Variants in INTS14 observed in about 807,000 individuals in gnomAD.
INTS14 encodes UPF0464 protein C15orf44.
INTS14 carries 27 observed loss-of-function variants against 56.9 expected under a neutral mutation model. That is an observed-to-expected ratio of 0.47 (90% CI 0.35 to 0.65). The LOEUF is 0.65. Among genes scored for constraint, INTS14 ranks in the 30% least tolerant of loss-of-function variants. The pLI, the probability that INTS14 is intolerant of heterozygous loss-of-function variation, is 0.00. For synonymous variants in INTS14, 207 were observed against 236.2 expected, an observed-to-expected ratio of 0.88 and a Z score of 1.13; for missense variants, 517 against 632.2, an observed-to-expected ratio of 0.82 and a Z score of 1.95.
At chr15:65,600,855 G>C (rs1382759685) in intron 3 of INTS14, among the ~76,000 whole-genome samples, 1 of 152,030 alleles carries the variant, frequency 6.6e-6, no homozygotes, top group Non-Finnish European at 1.5e-5. Flanking sequence ...TTTTTTAAAA[G>C]CTTGCCTCTG....
In INTS14 at chr15:65,598,233, C is replaced by T. The variant is rs193047786; in HGVS notation, c.748+88G>A. 9 of 1,358,748 alleles carry T rather than the reference C, an allele frequency of 6.6e-6. No homozygotes were observed. The African/African-American group carries it at 1.2e-4, about 18-fold the overall frequency. 84.2% of individuals were successfully genotyped at this position (1,358,748 alleles called of 1,614,324 possible). On this transcript the variant is annotated intron_variant, in intron 6 of 11. Coordinates refer to ENST00000313182, the MANE Select transcript of INTS14 (RefSeq NM_001394796.1). ...ACAATATATATTTCTTTTCAACCTT[C>T]CTAGACAGAGAAGAGAGTAAAAGTC...
chr15:65,599,074 G>A (rs1353081419), intron 4 of INTS14, 84 bp from the exon 5 acceptor site: 7 of 841,796 alleles, frequency 8.3e-6, no homozygotes, highest in East Asian at 2.7e-5. Context: ...AAGCCATTAC[G>A]ATAACATAGG....
chr15:65,605,525 A>G (rs35241445), intron 2 of INTS14, among the ~76,000 whole-genome samples: 30,569 of 152,218 alleles, frequency 0.2, 4,115 homozygotes, highest in East Asian at 0.73. Context: ...AGGAACTTTT[A>G]AACACATCAC....
chr15:65,591,790 AT>A, intron 8 of INTS14, 59 bp from the exon 9 acceptor site: 1 of 1,585,094 alleles, frequency 6.3e-7, no homozygotes, highest in Non-Finnish European at 8.6e-7. Flanking sequence ...GTCAAGTTAA[AT>A]AAGTCTAGCC....
chr15:65,600,422 G>T (rs549510966), intron 3 of INTS14, among the ~76,000 whole-genome samples: 1 of 151,952 alleles, frequency 6.6e-6, no homozygotes, highest in South Asian at 2.1e-4. Context: ...AGAGGCCAGG[G>T]GTTCAAGACC....
At position 65,598,877 on chromosome 15, in the gene INTS14, CAT is replaced by C; in HGVS notation, c.598_599del (p.Met200ValfsTer24). The C allele has an allele frequency of 6.2e-7, 1 of 1,612,362 alleles. No homozygotes were observed. Among genetic ancestry groups the C allele is most frequent in the Non-Finnish European group, 8.5e-7 (1 of 1,178,714 alleles). Reference sequence around the variant, plus strand: ...AGCTCTAAGCATATACTCACCCAAACATAGACTGTACATTCTTCAAGCACAGG... The same window carrying C: ...AGCTCTAAGCATATACTCACCCAAACAGACTGTACATTCTTCAAGCACAGG... ...GPLCLKNVQS[M>X]FGKLIDLAYT... On this transcript the variant is annotated frameshift_variant, in exon 5 of 12. Coordinates refer to ENST00000313182, the MANE Select transcript of INTS14 (RefSeq NM_001394796.1). LOFTEE classifies it high-confidence loss of function.
intron 9 of INTS14, among the ~76,000 whole-genome samples, chr15:65,585,861 C>A (rs1395215874): frequency 6.6e-6 from 1 of 152,164 alleles, no homozygotes; most frequent in Non-Finnish European, 1.5e-5. Flanking sequence ...TGATATTGGA[C>A]CAACACTTCC....
At chr15:65,606,055 A>G (rs1458355250) in intron 2 of INTS14, among the ~76,000 whole-genome samples, 1 of 151,860 alleles carries the variant, frequency 6.6e-6, no homozygotes, top group African/African-American at 2.4e-5. Context: ...GGAGATCGAG[A>G]CCATCCTGGC....
rs2072495151 is a variant in INTS14, at chr15:65,579,424, C to G, written c.1541G>C (p.Ser514Thr). Reference sequence around the variant, plus strand: ...AAGTCAGTTTCAAATTCTTTCAGTGCTGCTCCCAGAGAAGTCCGTGTGCAA... The same window carrying G: ...AAGTCAGTTTCAAATTCTTTCAGTGGTGCTCCCAGAGAAGTCCGTGTGCAA... ...TPLHTDFSGS[S>T]TERI The change falls in exon 12 of 12, where the codon AGC becomes ACC. Residue 514 changes from serine (S) to threonine (T), a missense_variant. Ser to Thr is a moderately conservative substitution (Grantham distance 58, BLOSUM62 1). Coordinates refer to ENST00000313182, the MANE Select transcript of INTS14 (RefSeq NM_001394796.1). 6.2e-7 allele frequency: 1 copy of G among 1,611,250 alleles called. No individual in the cohort carries two copies. Among genetic ancestry groups the G allele is most frequent in the Non-Finnish European group, 8.5e-7 (1 of 1,177,698 alleles).
intron 3 of INTS14, among the ~76,000 whole-genome samples, chr15:65,602,551 T>C (rs373187577): frequency 1.3e-5 from 2 of 152,100 alleles, no homozygotes; most frequent in East Asian, 1.9e-4. Flanking sequence ...TCCCAAAGTG[T>C]TGGGATTACA....
chr15:65,610,946 G>C (rs1332032577), intron 1 of INTS14, 152 bp downstream of exon 1: 1 of 1,470,008 alleles, frequency 6.8e-7, no homozygotes, highest in Non-Finnish European at 9.0e-7. Context: ...GCAGCGCCCC[G>C]GAACTGGCGC....
chr15:65,584,385 A>G (rs1244511346), intron 10 of INTS14, among the ~76,000 whole-genome samples: 2 of 152,192 alleles, frequency 1.3e-5, no homozygotes, highest in East Asian at 1.9e-4. Flanking sequence ...ATTTCACACT[A>G]AAATTCAATG....
chr15:65,605,011 G>A (rs2073593218), intron 3 of INTS14, 118 bp downstream of exon 3: 3 of 749,106 alleles, frequency 4.0e-6, no homozygotes, highest in Non-Finnish European at 4.6e-6. Flanking sequence ...GATACCAATA[G>A]TGTAAAATGT....
rs1279328294 is a variant in INTS14 at position 65,593,557 on chromosome 15, C to A, written c.857G>T (p.Gly286Val). ...TTCATTGTCATCAGTGATGCCAGTA[C>A]CCACCTCATCACCTTCTGTGAAAAA... ...IALNKEGDEV[G>V]TGITDDNEDE... The change falls in exon 8 of 12, where the codon GGT (glycine) becomes GTT (valine). Residue 286 changes from glycine to valine, a missense_variant. Coordinates refer to ENST00000313182, the MANE Select transcript of INTS14 (RefSeq NM_001394796.1). 1.2e-6 allele frequency: 2 copies of A among 1,612,158 alleles called. No individual in the cohort carries two copies. Among genetic ancestry groups the A allele is most frequent in the East Asian group, 4.5e-5 (2 of 44,882 alleles).
chr15:65,593,490 G>A lies in INTS14; in HGVS notation c.924C>T (p.Asn308=). Residue 308 remains asparagine, a synonymous_variant, in exon 8 of 12, where the codon AAC becomes AAT. Transcript: ENST00000313182. ...SANQIAGKIP[N]FCVLLHGSLK... ...GGCTACCATGGAGCAGGACACAAAA[G>A]TTGGGTATTTTGCCTGCAATCTGAT... 1 of 1,613,812 alleles carries A rather than the reference G, an allele frequency of 6.2e-7. No individual in the cohort carries two copies. The highest frequency in any genetic ancestry group is 1.1e-5 in the South Asian group (1 of 90,978).
intron 8 of INTS14, 50 bp downstream of exon 8, chr15:65,593,378 G>T: frequency 6.4e-7 from 1 of 1,568,786 alleles, no homozygotes. Flanking sequence ...ACTTCACTTT[G>T]TAAAATGATT....
At chr15:65,605,512 A>T (rs2073611461) in intron 2 of INTS14, among the ~76,000 whole-genome samples, 1 of 152,246 alleles carries the variant, frequency 6.6e-6, no homozygotes, top group African/African-American at 2.4e-5. Context: ...GGAAAAAATT[A>T]AAAGGAACTT....
At chr15:65,584,222 T>A (rs913696563) in intron 10 of INTS14, among the ~76,000 whole-genome samples, 7 of 152,224 alleles carry the variant, frequency 4.6e-5, no homozygotes, top group African/African-American at 1.7e-4. Context: ...TATCATAACT[T>A]CCTATGGAAG....
intron 6 of INTS14, among the ~76,000 whole-genome samples, chr15:65,596,630 G>A (rs1183862011): frequency 6.6e-6 from 1 of 152,108 alleles, no homozygotes; most frequent in Non-Finnish European, 1.5e-5. Context: ...GAGTGCAATG[G>A]CGCAATCTCA....
Sources: gnomAD v4.1 joint callset for allele counts (sites outside exome capture counted in the v4.1 genomes callset) on GRCh38, gnomAD v4.1.1 for gene constraint, MANE v1.5 for transcripts, NCBI Gene and HGNC (gene_info 2026-07-23, HGNC 2026-07-21) for gene names.